The following CDH13 variants were observed in gnomAD, a reference collection of about 807,000 sequenced individuals.
CDH13 encodes cadherin-13.
CDH13 carries 24 observed loss-of-function variants against 63.8 expected under a neutral mutation model. That is an observed-to-expected ratio of 0.38 (90% CI 0.27 to 0.53). The LOEUF (loss-of-function observed/expected upper bound fraction) is 0.53. CDH13 is among the 20% of genes least tolerant of loss of function. CDH13 has a pLI of 0.85. For missense variants in CDH13, 1,049 were observed against 903.1 expected (o/e 1.16, Z -2.07); for synonymous variants, 503 against 355.3 (o/e 1.42, Z -4.67).
intron 2 of CDH13, among the ~76,000 whole-genome samples, chr16:82,862,220 G>A (rs1567610179): frequency 6.6e-6 from 1 of 152,186 alleles, no homozygotes; most frequent in Non-Finnish European, 1.5e-5. Context: ...GAATTGGACA[G>A]CAACCCTGGT....
chr16:82,695,468 G>A (rs1213128724), intron 1 of CDH13, among the ~76,000 whole-genome samples: 4 of 152,122 alleles, frequency 2.6e-5, no homozygotes, highest in Non-Finnish European at 5.9e-5. Flanking sequence ...GGCAGGGTTA[G>A]CACGTGGCTC....
chr16:83,031,377 T>C (rs1422242502), intron 2 of CDH13, among the ~76,000 whole-genome samples: 1 of 69,786 alleles, frequency 1.4e-5, no homozygotes, highest in African/African-American at 7.2e-5. Flanking sequence ...TGTATATGTA[T>C]ACACGTATAT....
intron 6 of CDH13, among the ~76,000 whole-genome samples, chr16:83,486,039 A>G (rs932277219): frequency 6.6e-5 from 10 of 152,280 alleles, no homozygotes; most frequent in Admixed American, 2.0e-4. Context: ...GCTACTTAGG[A>G]GGCTGAGGCA....
chr16:83,679,698 C>T (rs560260538), intron 10 of CDH13, among the ~76,000 whole-genome samples: 1 of 152,230 alleles, frequency 6.6e-6, no homozygotes, highest in East Asian at 1.9e-4. Context: ...TTCTTAAGTA[C>T]TTAGATGGGA....
chr16:83,299,661 G>A (rs2089686609), intron 5 of CDH13, among the ~76,000 whole-genome samples: 1 of 152,108 alleles, frequency 6.6e-6, no homozygotes, highest in Non-Finnish European at 1.5e-5. Flanking sequence ...TCTCATTAAG[G>A]ATACAGATTC....
chr16:83,644,011 C>G (rs529049987), intron 8 of CDH13, among the ~76,000 whole-genome samples: 9 of 152,322 alleles, frequency 5.9e-5, no homozygotes, highest in African/African-American at 1.9e-4. Context: ...TTAACATAAG[C>G]TGTAACGAGG....
intron 6 of CDH13, among the ~76,000 whole-genome samples, chr16:83,485,900 T>C (rs1163009600): frequency 6.6e-6 from 1 of 152,114 alleles, no homozygotes; most frequent in Non-Finnish European, 1.5e-5. Context: ...CCCAGCACCC[T>C]TGGAGGCCGA....
chr16:83,781,960 G>T (rs199683632), intron 12 of CDH13, among the ~76,000 whole-genome samples: 4 of 151,416 alleles, frequency 2.6e-5, no homozygotes, highest in African/African-American at 7.3e-5. Flanking sequence ...AAAAAAGATT[G>T]TATCCTCTAC....
chr16:83,565,036 T>C (rs2075768733), intron 7 of CDH13, among the ~76,000 whole-genome samples: 1 of 152,188 alleles, frequency 6.6e-6, no homozygotes, highest in South Asian at 2.1e-4. Flanking sequence ...TCATTTTATC[T>C]CTTGCTCCTC....
intron 6 of CDH13, among the ~76,000 whole-genome samples, chr16:83,473,530 G>C (rs552475546): frequency 3.9e-5 from 6 of 152,240 alleles, no homozygotes; most frequent in Admixed American, 3.9e-4. Context: ...TACCTAACAG[G>C]TGTGGTTCTG....
At chr16:83,689,636 A>G (rs1180535920) in intron 10 of CDH13, among the ~76,000 whole-genome samples, 1 of 152,178 alleles carries the variant, frequency 6.6e-6, no homozygotes, top group African/African-American at 2.4e-5. Context: ...GTCCTCCTAC[A>G]AATGCTTAAT....
chr16:83,201,607 A>C (rs1278698234), intron 4 of CDH13, among the ~76,000 whole-genome samples: 2 of 152,038 alleles, frequency 1.3e-5, no homozygotes, highest in African/African-American at 4.8e-5. Flanking sequence ...AATAAGATTG[A>C]GTAACGTTGG....
At chr16:83,669,974 CTCTA>C (rs1914358609) in intron 8 of CDH13, among the ~76,000 whole-genome samples, 1 of 152,220 alleles carries the variant, frequency 6.6e-6, no homozygotes, top group African/African-American at 2.4e-5. Flanking sequence ...TCATGAAATT[CTCTA>C]TCTATGAGAA....
At chr16:83,420,360 C>T (rs2071680498) in intron 6 of CDH13, among the ~76,000 whole-genome samples, 1 of 152,158 alleles carries the variant, frequency 6.6e-6, no homozygotes, top group Non-Finnish European at 1.5e-5. Flanking sequence ...TCTCAAGCAG[C>T]GTTCAGACAC....
At chr16:82,950,993 A>G (rs773434899) in intron 2 of CDH13, among the ~76,000 whole-genome samples, 1 of 152,182 alleles carries the variant, frequency 6.6e-6, no homozygotes, top group African/African-American at 2.4e-5. Context: ...GATGTTGCGC[A>G]TCACCATATT....
At chr16:82,738,334 T>C (rs2033778178) in intron 1 of CDH13, among the ~76,000 whole-genome samples, 1 of 152,234 alleles carries the variant, frequency 6.6e-6, no homozygotes, top group Non-Finnish European at 1.5e-5. Context: ...CGGAGGACTT[T>C]AATTTGTGTT....
At chr16:83,672,617 G>T (rs1239648146) in intron 9 of CDH13, among the ~76,000 whole-genome samples, 2 of 151,586 alleles carry the variant, frequency 1.3e-5, no homozygotes, top group Non-Finnish European at 2.9e-5. Context: ...TAGAGACGGG[G>T]TCTCACCAGG....
chr16:83,093,944 T>C (rs1360235147), intron 3 of CDH13, among the ~76,000 whole-genome samples: 4 of 151,998 alleles, frequency 2.6e-5, no homozygotes, highest in Non-Finnish European at 5.9e-5. Context: ...AGCAAGCGAG[T>C]AATAGCCTGG....
intron 1 of CDH13, chr16:82,829,590 A>T (rs970318946): frequency 1.3e-5 from 2 of 152,084 alleles, no homozygotes; most frequent in African/African-American, 4.8e-5. Context: ...GAAACCAACC[A>T]GCTATATATT....
Sources: gnomAD v4.1 joint callset for allele counts (sites outside exome capture counted in the v4.1 genomes callset) on GRCh38, gnomAD v4.1.1 for gene constraint, MANE v1.5 for transcripts, NCBI Gene and HGNC (gene_info 2026-07-23, HGNC 2026-07-21) for gene names.